The following ZNF487 variants were observed in gnomAD, a reference collection of about 807,000 sequenced individuals.
ZNF487 encodes KRAB domain only 1.
Under a neutral mutation model 3.0 loss-of-function variants are expected in ZNF487, and 4 were observed. That is an observed-to-expected ratio of 1.35 (90% CI 0.66 to 3.08). The LOEUF is 3.08. ZNF487 is among the 30% of genes most tolerant of loss of function. ZNF487 has a pLI of 0.01. For synonymous variants in ZNF487, 55 were observed against 34.6 expected (o/e 1.59, Z -2.06); for missense variants, 146 against 98.7 (o/e 1.48, Z -2.03).
chr10:43,515,385 C>T, the ZNF487 span, among the ~76,000 whole-genome samples: 12 of 152,184 alleles, frequency 7.9e-5, no homozygotes, highest in African/African-American at 2.9e-4. Flanking sequence ...TTTATCTCCT[C>T]AGACAAAGGT....
intron 1 of ZNF487, among the ~76,000 whole-genome samples, chr10:43,439,894 C>T (rs947097934): frequency 1.3e-5 from 2 of 151,764 alleles, no homozygotes; most frequent in African/African-American, 2.4e-5. Flanking sequence ...CTAGAGGCTG[C>T]GGTAAGGAGG....
chr10:43,516,611 G>A, the ZNF487 span, among the ~76,000 whole-genome samples: 1 of 152,214 alleles, frequency 6.6e-6, no homozygotes, highest in Admixed American at 6.5e-5. Flanking sequence ...TGAAGAGTCT[G>A]ATGTTTGAGG....
At chr10:43,456,895 T>G (rs1170711451) in intron 1 of ZNF487, among the ~76,000 whole-genome samples, 4 of 152,210 alleles carry the variant, frequency 2.6e-5, no homozygotes, top group African/African-American at 7.2e-5. Context: ...AAATTATGTC[T>G]TAAACACCCC....
intron 1 of ZNF487, among the ~76,000 whole-genome samples, chr10:43,471,972 G>C (rs1220284837): frequency 6.6e-6 from 1 of 152,180 alleles, no homozygotes; most frequent in African/African-American, 2.4e-5. Flanking sequence ...CCTCAGTCTG[G>C]TCCAAGGATT....
At chr10:43,486,448 CCTGGG>C (rs1343222205), downstream of ZNF487, among the ~76,000 whole-genome samples, 16 of 151,866 alleles carry the variant, frequency 1.1e-4, no homozygotes, top group African/African-American at 3.9e-4. Context: ...ATCGCTTGAA[CCTGGG>C]AGGCGGAGGT....
At chr10:43,447,041 C>G (rs1037316394) in intron 1 of ZNF487, among the ~76,000 whole-genome samples, 8 of 151,938 alleles carry the variant, frequency 5.3e-5, no homozygotes, top group African/African-American at 1.7e-4. Context: ...AAAAAAAAAC[C>G]AGTCAGGCGT....
the ZNF487 span, among the ~76,000 whole-genome samples, chr10:43,521,363 C>A: frequency 6.6e-6 from 1 of 152,170 alleles, no homozygotes; most frequent in South Asian, 2.1e-4. Context: ...ATATTCTCCA[C>A]AGGCACATCA....
the ZNF487 span, among the ~76,000 whole-genome samples, chr10:43,518,174 T>C: frequency 6.6e-6 from 1 of 152,168 alleles, no homozygotes. Context: ...ATACAGGACC[T>C]CACCTGAACA....
chr10:43,476,925 T>C (rs146069003), intron 3 of ZNF487, among the ~76,000 whole-genome samples: 1 of 152,246 alleles, frequency 6.6e-6, no homozygotes, highest in African/African-American at 2.4e-5. Context: ...AAAAAGATAA[T>C]AAGCATGATC....
the ZNF487 span, among the ~76,000 whole-genome samples, chr10:43,517,031 A>G: frequency 6.6e-6 from 1 of 152,248 alleles, no homozygotes; most frequent in Non-Finnish European, 1.5e-5. Flanking sequence ...CAAGATCTCA[A>G]CTGCGTCCAA....
chr10:43,504,497 A>G, the ZNF487 span, among the ~76,000 whole-genome samples: 3 of 151,270 alleles, frequency 2.0e-5, no homozygotes, highest in Non-Finnish European at 1.5e-5. Flanking sequence ...GGGTTTCACT[A>G]TGTTGGCCAA....
At chr10:43,455,210 A>C (rs1316477011) in intron 1 of ZNF487, among the ~76,000 whole-genome samples, 1 of 151,780 alleles carries the variant, frequency 6.6e-6, no homozygotes, top group African/African-American at 2.4e-5. Context: ...ACGGGGTTTC[A>C]CCGTGTTAGC....
At chr10:43,493,695 G>GA in the ZNF487 span, among the ~76,000 whole-genome samples, 128 of 41,230 alleles carry the variant, frequency 3.1e-3, no homozygotes, top group South Asian at 5.7e-3. Flanking sequence ...CTCAAAAAAA[G>GA]AAAAAAAAAA....
the ZNF487 span, among the ~76,000 whole-genome samples, chr10:43,517,418 T>A: frequency 8.0e-4 from 122 of 152,324 alleles, no homozygotes; most frequent in African/African-American, 2.7e-3. Flanking sequence ...ACAAAAGGCT[T>A]TAGAATCTGT....
the ZNF487 span, among the ~76,000 whole-genome samples, chr10:43,510,566 GAGA>G: frequency 6.6e-6 from 1 of 151,376 alleles, no homozygotes; most frequent in Non-Finnish European, 1.5e-5. Context: ...TGTTTTTTTT[GAGA>G]AGGAGTCTCA....
At chr10:43,501,185 G>C in the ZNF487 span, among the ~76,000 whole-genome samples, 4 of 151,956 alleles carry the variant, frequency 2.6e-5, no homozygotes, top group African/African-American at 9.7e-5. Context: ...ACATAGAAAA[G>C]GTACAGTAAA....
intron 1 of ZNF487, among the ~76,000 whole-genome samples, chr10:43,471,938 A>C (rs888233495): frequency 2.0e-5 from 3 of 152,228 alleles, no homozygotes; most frequent in Admixed American, 6.5e-5. Context: ...ATTAGAGGAA[A>C]GCATGCCAAA....
chr10:43,498,372 G>A, the ZNF487 span, among the ~76,000 whole-genome samples: 4 of 147,362 alleles, frequency 2.7e-5, no homozygotes, highest in Admixed American at 2.1e-4. Flanking sequence ...TCCGCCTCCC[G>A]GGTTCAAGTG....
At chr10:43,504,869 G>A in the ZNF487 span, among the ~76,000 whole-genome samples, 3 of 151,852 alleles carry the variant, frequency 2.0e-5, no homozygotes, top group African/African-American at 4.8e-5. Flanking sequence ...ACCACGCCTG[G>A]CTAATTTTTT....
Sources: gnomAD v4.1 joint callset for allele counts (sites outside exome capture counted in the v4.1 genomes callset) on GRCh38, gnomAD v4.1.1 for gene constraint, MANE v1.5 for transcripts, NCBI Gene and HGNC (gene_info 2026-07-23, HGNC 2026-07-21) for gene names.